The following CUBN variants were observed in gnomAD, a reference collection of about 807,000 sequenced individuals.
The protein encoded by CUBN is 460 kDa receptor.
CUBN carries 282 observed loss-of-function variants against 405.3 expected under a neutral mutation model. The observed-to-expected ratio is 0.70, with a 90% CI of 0.63 to 0.77. The LOEUF (loss-of-function observed/expected upper bound fraction) is 0.77. CUBN is among the 30% of genes least tolerant of loss of function. The pLI, the probability that CUBN is intolerant of heterozygous loss-of-function variation, is 0.00. For synonymous variants in CUBN, 1,684 were observed against 1,617.0 expected (o/e 1.04, Z -0.99); for missense variants, 4,514 against 4,475.2 (o/e 1.01, Z -0.25).
chr10:17,098,803 T>C (rs1192053913), intron 14 of CUBN, among the ~76,000 whole-genome samples: 1 of 152,168 alleles, frequency 6.6e-6, no homozygotes, highest in Non-Finnish European at 1.5e-5. Context: ...TTTAGAAAAT[T>C]AATATTTCAC....
In CUBN at chr10:16,915,820, C is replaced by T; in HGVS notation, c.7210+1G>A. On this transcript the variant is annotated splice_donor_variant, in intron 46 of 66. Transcript: ENST00000377833. LOFTEE classifies it high-confidence loss of function. ...AAAGAGAGCAGATATATTTTACTAA[C>T]CAGAGGTATGATTGTCCCAGATCTC... 1 of 1,610,398 alleles carries T rather than the reference C, an allele frequency of 6.2e-7. No homozygotes were observed. Among genetic ancestry groups the T allele is most frequent in the Non-Finnish European group, 8.5e-7 (1 of 1,177,988 alleles).
At chr10:17,054,057 G>T (rs1453096271) in intron 22 of CUBN, among the ~76,000 whole-genome samples, 1 of 152,038 alleles carries the variant, frequency 6.6e-6, no homozygotes, top group African/African-American at 2.4e-5. Context: ...AGGTGGCTGG[G>T]CGCAGTGGCT....
At chr10:16,961,626 T>C (rs1843219666) in intron 31 of CUBN, among the ~76,000 whole-genome samples, 2 of 151,650 alleles carry the variant, frequency 1.3e-5, no homozygotes, top group South Asian at 4.2e-4. Context: ...CTTTGTCTTA[T>C]AAATAAGCAT....
In CUBN at chr10:16,848,288, A is replaced by C. The variant is rs571973792; in HGVS notation, c.9663+2947T>G. Among the ~76,000 whole-genome samples the C allele has an allele frequency of 1.2e-4, 18 of 152,318 alleles. No homozygotes were observed. The South Asian group carries it at 2.9e-3, about 25-fold the overall frequency. On this transcript the variant is annotated intron_variant, in intron 60 of 66. Coordinates refer to ENST00000377833, the MANE Select transcript of CUBN (RefSeq NM_001081.4). The stretch of plus-strand genomic sequence containing the variant: ...GGCCATACTCAAATCATTCTATAAG[A>C]ATTTAAAATTGTAATTTTATATGCA...
intron 59 of CUBN, among the ~76,000 whole-genome samples, chr10:16,863,768 T>C (rs1588598758): frequency 6.6e-6 from 1 of 151,380 alleles, no homozygotes; most frequent in African/African-American, 2.4e-5. Context: ...TCTCTTCAGC[T>C]TTCTCTGTCT....
At chr10:17,100,319 T>C (rs1445013555) in intron 13 of CUBN, 80 bp from the exon 14 acceptor site, 5 of 946,768 alleles carry the variant, frequency 5.3e-6, no homozygotes, top group Non-Finnish European at 8.4e-6. Flanking sequence ...CTAGGCAGCA[T>C]TCATACTGAG....
chr10:17,078,603 C>G (rs1015111348), intron 17 of CUBN, among the ~76,000 whole-genome samples: 7 of 152,126 alleles, frequency 4.6e-5, no homozygotes, highest in African/African-American at 1.7e-4. Flanking sequence ...ATTACATACC[C>G]ATTCCCTAGC....
intron 17 of CUBN, among the ~76,000 whole-genome samples, chr10:17,079,437 C>A (rs1215640744): frequency 6.6e-6 from 1 of 151,656 alleles, no homozygotes; most frequent in African/African-American, 2.4e-5. Context: ...GGGTTTCACA[C>A]CACGTTGGCC....
rs1588515934 is a variant in CUBN at position 16,954,429 on chromosome 10, A to G, written c.4815T>C (p.Pro1605=). Residue 1605 remains proline, a synonymous_variant, in exon 32 of 67, where the codon CCT becomes CCC. Coordinates refer to ENST00000377833, the MANE Select transcript of CUBN (RefSeq NM_001081.4). Reference sequence around the variant, plus strand: ...CTCGGAAGCCTCTGTTCTGTCTGGAAGGGCCAGACTGAAATCTCAAGAAGA... The same window carrying G: ...CTCGGAAGCCTCTGTTCTGTCTGGAGGGGCCAGACTGAAATCTCAAGAAGA... ...NSLFLRFQSG[P]SRQNRGFRAQ... is the part of the protein sequence containing the mutation. 1 of 1,614,162 alleles carries G rather than the reference A, an allele frequency of 6.2e-7. No individual in the cohort carries two copies. Among genetic ancestry groups the G allele is most frequent in the Non-Finnish European group, 8.5e-7 (1 of 1,180,024 alleles).
chr10:16,966,909 C>A (rs781710853), intron 31 of CUBN, among the ~76,000 whole-genome samples: 7 of 152,106 alleles, frequency 4.6e-5, no homozygotes, highest in Admixed American at 1.3e-4. Flanking sequence ...GATCGAGAGT[C>A]CATGAGGTAT....
chr10:16,986,148 A>G (rs2131705399), intron 29 of CUBN, among the ~76,000 whole-genome samples: 1 of 152,370 alleles, frequency 6.6e-6, no homozygotes, highest in East Asian at 1.9e-4. Flanking sequence ...GACAGTTTTC[A>G]AAGAGTTGGT....
chr10:16,886,575 G>C (rs1840821095), intron 56 of CUBN, among the ~76,000 whole-genome samples: 1 of 151,836 alleles, frequency 6.6e-6, no homozygotes, highest in Non-Finnish European at 1.5e-5. Context: ...ACACCAAGTG[G>C]TGTCTATTGT....
chr10:16,828,707 A>G, intron 66 of CUBN, 98 bp downstream of exon 66: 1 of 947,338 alleles, frequency 1.1e-6, no homozygotes, highest in Non-Finnish European at 1.7e-6. Flanking sequence ...GGGTGACAAG[A>G]GCGAGATTCC....
At chr10:17,051,593 AG>A (rs1490542521) in intron 22 of CUBN, among the ~76,000 whole-genome samples, 1 of 152,240 alleles carries the variant, frequency 6.6e-6, no homozygotes, top group East Asian at 1.9e-4. Context: ...TGGCCCAAAA[AG>A]GGAGAAAATT....
rs751294892 is a variant in CUBN at position 16,982,669 on chromosome 10, A to G, written c.4526-16T>C. ...CCACCACAACCTGGAAGTGGGGAACACAATTATTTCATGAGAGGAATCATG... is the reference window on the plus strand; with the variant it reads ...CCACCACAACCTGGAAGTGGGGAACGCAATTATTTCATGAGAGGAATCATG... On this transcript the variant is annotated splice_polypyrimidine_tract_variant and intron_variant, in intron 30 of 66. Coordinates refer to ENST00000377833, the MANE Select transcript of CUBN (RefSeq NM_001081.4). 6.2e-7 allele frequency: 1 copy of G among 1,607,640 alleles called. No individual in the cohort carries two copies. The highest frequency in any genetic ancestry group is 1.7e-5 in the Admixed American group (1 of 59,882).
intron 7 of CUBN, 68 bp from the exon 8 acceptor site, chr10:17,114,257 T>C: frequency 3.4e-6 from 5 of 1,491,370 alleles, no homozygotes; most frequent in Non-Finnish European, 4.6e-6. Context: ...TTTGAACATT[T>C]CATCAAGCCC....
chr10:16,924,380 T>G (rs1383122066), intron 43 of CUBN, among the ~76,000 whole-genome samples: 1 of 152,098 alleles, frequency 6.6e-6, no homozygotes, highest in African/African-American at 2.4e-5. Flanking sequence ...TGGACCTTAC[T>G]CAAGCTATTT....
Position 16,920,052 on chromosome 10 carries a change from G to C in CUBN, c.6732C>G (p.His2244Gln). Residue 2244 changes from histidine to glutamine, a missense_variant, in exon 44 of 67, where the codon CAC (histidine) becomes CAG (glutamine). Around this residue, in one of 5 missense-constraint regions of CUBN, gnomAD observed 1,613 missense variants for 1,542.8 expected, o/e 1.05. Coordinates refer to ENST00000377833, the MANE Select transcript of CUBN (RefSeq NM_001081.4). ...CCGCTAAGATCCAAATGCAATCAGC[G>C]TGCGGGGGATAATTATGAGGGTGGT... ...SPNHPHNYPPHADCIWILAAP... is the reference protein window; with the variant it reads ...SPNHPHNYPPQADCIWILAAP... 1.2e-6 allele frequency: 2 copies of C among 1,614,042 alleles called. No homozygotes were observed. The highest frequency in any genetic ancestry group is 1.7e-6 in the Non-Finnish European group (2 of 1,179,982).
chr10:16,863,519 G>A (rs1840077712), intron 59 of CUBN, among the ~76,000 whole-genome samples: 1 of 152,120 alleles, frequency 6.6e-6, no homozygotes, highest in African/African-American at 2.4e-5. Flanking sequence ...AACGTGAGCT[G>A]ACAACTTCAA....
Sources: allele counts gnomAD v4.1 joint callset (sites outside exome capture counted in the v4.1 genomes callset), GRCh38; gene constraint gnomAD v4.1.1; regional missense constraint gnomAD v4.1.1; transcripts MANE v1.5; gene names NCBI Gene and HGNC (gene_info 2026-07-23, HGNC 2026-07-21).